Variants in PCDHA12 observed in about 807,000 individuals in gnomAD.
PCDHA12 encodes the protein protocadherin alpha 12.
Under a neutral mutation model 60.0 loss-of-function variants are expected in PCDHA12, and 44 were observed. That is an observed-to-expected ratio of 0.73 (90% CI 0.58 to 0.94). PCDHA12 has a LOEUF of 0.94. Ranked by LOEUF, PCDHA12 falls within the 40% of genes least tolerant of loss-of-function variation. The pLI, the probability that PCDHA12 is intolerant of heterozygous loss-of-function variation, is 0.00. For synonymous variants in PCDHA12, 569 were observed against 553.0 expected (o/e 1.03, Z -0.40); for missense variants, 1,276 against 1,239.7 (o/e 1.03, Z -0.44).
At chr5:141,004,412 A>G (rs2098165544) in intron 3 of PCDHA12, among the ~76,000 whole-genome samples, 1 of 152,164 alleles carries the variant, frequency 6.6e-6, no homozygotes, top group South Asian at 2.1e-4. Flanking sequence ...ACCTGACTAG[A>G]TCTCTGCCTC....
At chr5:140,939,207 T>C (rs1013809748) in intron 1 of PCDHA12, among the ~76,000 whole-genome samples, 1 of 152,180 alleles carries the variant, frequency 6.6e-6, no homozygotes, top group Non-Finnish European at 1.5e-5. Context: ...GAATGTCACC[T>C]TCTTGCTGTC....
At chr5:140,921,366 A>C (rs1415562044) in intron 1 of PCDHA12, among the ~76,000 whole-genome samples, 1 of 152,140 alleles carries the variant, frequency 6.6e-6, no homozygotes, top group African/African-American at 2.4e-5. Flanking sequence ...TTCAAGTTTC[A>C]TATTTCTACA....
In PCDHA12 at chr5:140,875,586, G is replaced by T; in HGVS notation, c.114G>T (p.Glu38Asp). The change falls in exon 1 of 4, where the codon GAG becomes GAT. Residue 38 changes from glutamate to aspartate, a missense_variant. Physicochemically the swap from Glu to Asp is conservative, Grantham distance 45 (BLOSUM62 2). Transcript: ENST00000398631. The part of the protein sequence containing the change: ...SGQLHYSVYE[E>D]AKHGTFVGRI... ...AGCTCCACTACTCCGTCTACGAGGA[G>T]GCCAAACACGGCACCTTCGTGGGCC... The T allele has an allele frequency of 6.2e-7, 1 of 1,614,024 alleles. No individual in the cohort carries two copies. The highest frequency in any genetic ancestry group is 1.1e-5 in the South Asian group (1 of 91,086).
chr5:140,986,792 A>C (rs575794573), intron 3 of PCDHA12, among the ~76,000 whole-genome samples: 1 of 152,220 alleles, frequency 6.6e-6, no homozygotes, highest in Non-Finnish European at 1.5e-5. Context: ...CCACTAAGGC[A>C]GTGAGTCTTA....
At chr5:140,952,058 T>C (rs889374877) in intron 1 of PCDHA12, among the ~76,000 whole-genome samples, 1 of 152,096 alleles carries the variant, frequency 6.6e-6, no homozygotes, top group African/African-American at 2.4e-5. Flanking sequence ...ATCTTAAAGC[T>C]CCAAATAATC....
At chr5:141,003,658 A>G (rs1379758431) in intron 3 of PCDHA12, among the ~76,000 whole-genome samples, 2 of 152,212 alleles carry the variant, frequency 1.3e-5, no homozygotes, top group Non-Finnish European at 2.9e-5. Flanking sequence ...GTATGCATTT[A>G]TTAAAATATA....
chr5:140,925,952 ACTG>A (rs1295981015), intron 1 of PCDHA12, among the ~76,000 whole-genome samples: 1 of 151,952 alleles, frequency 6.6e-6, no homozygotes, highest in Non-Finnish European at 1.5e-5. Flanking sequence ...AGAAGGAGAA[ACTG>A]CTATCACGCA....
chr5:140,963,196 GA>G (rs199602110), intron 1 of PCDHA12, among the ~76,000 whole-genome samples: 26 of 147,674 alleles, frequency 1.8e-4, no homozygotes, highest in South Asian at 4.3e-4. Context: ...CTGTGAAAAT[GA>G]AAAAAAAAAC....
At chr5:140,878,693 C>A (rs932928385) in intron 1 of PCDHA12, among the ~76,000 whole-genome samples, 6 of 152,254 alleles carry the variant, frequency 3.9e-5, no homozygotes, top group South Asian at 2.1e-4. Flanking sequence ...TCTTACATAC[C>A]CCAGCCTGGT....
At chr5:140,995,698 G>T (rs963042409) in intron 3 of PCDHA12, among the ~76,000 whole-genome samples, 1 of 152,104 alleles carries the variant, frequency 6.6e-6, no homozygotes, top group African/African-American at 2.4e-5. Context: ...TTAAATAAAG[G>T]GCTGGGCTTG....
At chr5:140,940,547 C>G (rs1256617271) in intron 1 of PCDHA12, among the ~76,000 whole-genome samples, 1 of 152,018 alleles carries the variant, frequency 6.6e-6, no homozygotes, top group Admixed American at 6.6e-5. Flanking sequence ...TTCCTGGGCT[C>G]AAGTGATTCT....
rs1167461963 is a variant in PCDHA12 at position 140,968,386 on chromosome 5, G to A, written c.2368-10563G>A. 2.5e-6 allele frequency: 4 copies of A among 1,613,910 alleles called. No homozygotes were observed. The African/African-American group carries it at 4.0e-5, about 16-fold the overall frequency. On this transcript the variant is annotated intron_variant, in intron 1 of 3. Transcript: ENST00000398631. ...ATGCTGTCAACTCCTTTGACTATGA[G>A]AAGTTTCGGGAGTTCTTTGTGACTG...
chr5:140,993,342 C>T (rs1554253606), intron 3 of PCDHA12, among the ~76,000 whole-genome samples: 1 of 151,994 alleles, frequency 6.6e-6, no homozygotes, highest in African/African-American at 2.4e-5. Flanking sequence ...TTGAAGGGCA[C>T]TACGAAGATC....
At chr5:140,972,306 GT>G (rs2096530781) in intron 1 of PCDHA12, among the ~76,000 whole-genome samples, 1 of 150,488 alleles carries the variant, frequency 6.6e-6, no homozygotes, top group South Asian at 2.1e-4. Flanking sequence ...TGTCTGACTA[GT>G]TTTTAGGTGT....
rs188500854 is a variant in PCDHA12 at position 140,955,348 on chromosome 5, G to C, written c.2368-23601G>C. ...GTAGTTCCCATAATCCCCACATGTT[G>C]TGAGAGGGACCCAGTGGGAGGTAAT... On this transcript the variant is annotated intron_variant, in intron 1 of 3. Coordinates refer to ENST00000398631, the MANE Select transcript of PCDHA12 (RefSeq NM_018903.4). Among the ~76,000 whole-genome samples the C allele has an allele frequency of 1.6e-4, 24 of 152,204 alleles. No individual in the cohort carries two copies. The East Asian group carries it at 2.7e-3, about 17-fold the overall frequency.
intron 1 of PCDHA12, chr5:140,884,638 G>C: frequency 6.2e-7 from 1 of 1,610,712 alleles, no homozygotes; most frequent in South Asian, 1.1e-5. Context: ...GCCAGAGGGA[G>C]GAGGACTCAG....
chr5:140,877,801 C>T lies in PCDHA12; in HGVS notation c.2329C>T (p.Gln777Ter). 1 of 1,613,416 alleles carries T rather than the reference C, an allele frequency of 6.2e-7. No homozygotes were observed. Among genetic ancestry groups the T allele is most frequent in the South Asian group, 1.1e-5 (1 of 91,020 alleles). ...TDLMAFSPSLQLSREDCLNPP... is the reference protein window; with the variant it reads ...TDLMAFSPSL ...CCTCATGGCCTTCAGCCCAAGCCTT[C>T]AGCTGTCTCGAGAAGATTGTTTAAA... Residue 777 changes from glutamine to a stop codon, truncating the protein, a stop_gained, in exon 1 of 4, where the codon CAG becomes TAG. Transcript: ENST00000398631. LOFTEE classifies it high-confidence loss of function.
chr5:140,919,613 A>G (rs993064588), intron 1 of PCDHA12, among the ~76,000 whole-genome samples: 1 of 152,270 alleles, frequency 6.6e-6, no homozygotes, highest in South Asian at 2.1e-4. Context: ...TTTAAACTGT[A>G]TCTTTTGAGT....
rs113297104 is a variant in PCDHA12 at position 140,984,945 on chromosome 5, CT to C, written c.2515+2392del. On this transcript the variant is annotated intron_variant, in intron 3 of 3. Transcript: ENST00000398631. The stretch of plus-strand genomic sequence containing the variant: ...GACATATAGTTAATAAATGTCTAAT[CT>C]TTTTTTTTTGAGACAGAGTCTCGCT... Among the ~76,000 whole-genome samples the C allele has an allele frequency of 9.4e-3, 1,407 of 149,276 alleles. 15 individuals are homozygous for C. Among genetic ancestry groups the C allele is most frequent in the East Asian group, 0.044 (226 of 5,092 alleles).
Sources: gnomAD v4.1 joint callset for allele counts (sites outside exome capture counted in the v4.1 genomes callset) on GRCh38, gnomAD v4.1.1 for gene constraint, MANE v1.5 for transcripts, NCBI Gene and HGNC (gene_info 2026-07-23, HGNC 2026-07-21) for gene names.